DENND1A: variants seen among roughly 807,000 people sequenced by gnomAD.
DENND1A encodes DENN domain containing 1A, also known as DENN domain-containing protein 1A.
A neutral mutation model predicts 113.7 loss-of-function variants in DENND1A; 51 were observed. The observed-to-expected ratio is 0.45, with a 90% CI of 0.36 to 0.57. The LOEUF is 0.57. Ranked by LOEUF, DENND1A falls within the 20% of genes least tolerant of loss-of-function variation. DENND1A has a pLI of 0.00. For missense variants in DENND1A, 1,258 were observed against 1,395.9 expected, an observed-to-expected ratio of 0.90 and a Z score of 1.57; for synonymous variants, 565 against 570.8, an observed-to-expected ratio of 0.99 and a Z score of 0.14.
At chr9:123,768,098 C>T (rs775207078) in intron 4 of DENND1A, among the ~76,000 whole-genome samples, 14 of 152,080 alleles carry the variant, frequency 9.2e-5, no homozygotes, top group Non-Finnish European at 1.9e-4. Context: ...AGAGACAAGA[C>T]GACTCCCATT....
chr9:123,696,408 A>T (rs1246590035), intron 5 of DENND1A, among the ~76,000 whole-genome samples: 1 of 152,204 alleles, frequency 6.6e-6, no homozygotes, highest in Non-Finnish European at 1.5e-5. Context: ...CAAACAAAAC[A>T]CATTATCGGA....
At chr9:123,513,924 T>C (rs1007062659) in intron 13 of DENND1A, among the ~76,000 whole-genome samples, 1 of 152,148 alleles carries the variant, frequency 6.6e-6, no homozygotes, top group Non-Finnish European at 1.5e-5. Flanking sequence ...CTGCCCAACA[T>C]GGATCCCCAA....
At chr9:123,667,676 T>G (rs568520351) in intron 7 of DENND1A, among the ~76,000 whole-genome samples, 9 of 152,324 alleles carry the variant, frequency 5.9e-5, no homozygotes, top group Admixed American at 3.9e-4. Context: ...AAAAAGGCGT[T>G]GGTTTCATAA....
chr9:123,407,156 G>C (rs890915940), intron 20 of DENND1A, among the ~76,000 whole-genome samples: 9 of 148,788 alleles, frequency 6.0e-5, no homozygotes, highest in Non-Finnish European at 1.0e-4. Flanking sequence ...GACAGAGCAG[G>C]GGGGGAGGGG....
chr9:123,843,268 T>C lies in DENND1A; in HGVS notation c.88+35683A>G, dbSNP rs865847957. 31 of 462,428 alleles carry C rather than the reference T, an allele frequency of 6.7e-5. 1 individual carries two copies. The highest frequency in any genetic ancestry group is 5.5e-4 in the African/African-American group (27 of 49,134). 28.6% of individuals were successfully genotyped at this position (462,428 alleles called of 1,614,324 possible). Reference sequence around the variant, plus strand: ...AAAGTTCATTATCACACAAGGTAACTTGATTTTTGAAATGCTGTATCTACC... The same window carrying C: ...AAAGTTCATTATCACACAAGGTAACCTGATTTTTGAAATGCTGTATCTACC... On this transcript the variant is annotated intron_variant, in intron 2 of 23. Transcript: ENST00000394215.
intron 10 of DENND1A, among the ~76,000 whole-genome samples, chr9:123,615,674 C>T (rs878873379): frequency 2.0e-5 from 3 of 152,172 alleles, no homozygotes; most frequent in Non-Finnish European, 4.4e-5. Flanking sequence ...GTGGCTAACA[C>T]CTCTCTTGGT....
At chr9:123,699,098 C>T (rs1401041954) in intron 5 of DENND1A, among the ~76,000 whole-genome samples, 3 of 109,818 alleles carry the variant, frequency 2.7e-5, no homozygotes, top group African/African-American at 6.4e-5. Flanking sequence ...ATGGAGCCAA[C>T]TAAAGAGCTG....
chr9:123,438,430 A>ATTAT (rs1295444260), intron 19 of DENND1A, among the ~76,000 whole-genome samples: 1 of 152,216 alleles, frequency 6.6e-6, no homozygotes, highest in African/African-American at 2.4e-5. Context: ...TCCAGAGAAA[A>ATTAT]TAAATAGAGT....
chr9:123,524,214 T>C (rs2054622399), intron 13 of DENND1A, among the ~76,000 whole-genome samples: 1 of 152,222 alleles, frequency 6.6e-6, no homozygotes, highest in African/African-American at 2.4e-5. Context: ...TCAGAGATAC[T>C]GAGAATAGGG....
At chr9:123,732,566 G>A (rs1452605946) in intron 5 of DENND1A, among the ~76,000 whole-genome samples, 1 of 152,196 alleles carries the variant, frequency 6.6e-6, no homozygotes, top group Non-Finnish European at 1.5e-5. Flanking sequence ...GAACTGGAGT[G>A]GGAGAGGACA....
At chr9:123,616,500 G>A (rs1049136501) in intron 10 of DENND1A, among the ~76,000 whole-genome samples, 4 of 152,154 alleles carry the variant, frequency 2.6e-5, no homozygotes, top group Non-Finnish European at 5.9e-5. Flanking sequence ...TGTTCTAAGC[G>A]GGATTTAAGG....
chr9:123,751,852 AAC>A (rs900614214), intron 5 of DENND1A: 7 of 152,268 alleles, frequency 4.6e-5, no homozygotes, highest in African/African-American at 1.4e-4. Flanking sequence ...ACTCATCAGC[AAC>A]ACTTTCCCTT....
chr9:123,474,566 C>T (rs987592509), intron 13 of DENND1A, among the ~76,000 whole-genome samples: 2 of 152,182 alleles, frequency 1.3e-5, no homozygotes, highest in African/African-American at 4.8e-5. Flanking sequence ...ACATGTATGG[C>T]AAATGTCTCT....
At chr9:123,702,128 C>A (rs2065917417) in intron 5 of DENND1A, among the ~76,000 whole-genome samples, 1 of 151,776 alleles carries the variant, frequency 6.6e-6, no homozygotes, top group Non-Finnish European at 1.5e-5. Context: ...AAACATTTTT[C>A]AGGAGTTGAA....
Position 123,538,855 on chromosome 9 carries a change from T to TGCAC in DENND1A, c.993+18714_993+18715insGTGC, listed in dbSNP as rs1554864505. ...ATATATATATATATATATATATATA[T>TGCAC]ATATGAATTCATACATATTTATGTA... is the stretch of plus-strand genomic sequence containing the variant. On this transcript the variant is annotated intron_variant, in intron 13 of 23. Coordinates refer to ENST00000394215, the MANE Select transcript of DENND1A (RefSeq NM_001352964.2). 4.9e-5 allele frequency among the ~76,000 whole-genome samples: 5 copies of TGCAC among 101,288 alleles called. 1 individual carries two copies. 66.4% of individuals were successfully genotyped at this position (101,288 alleles called of 152,430 possible).
chr9:123,869,978 G>A (rs1846291563), intron 2 of DENND1A, among the ~76,000 whole-genome samples: 5 of 147,076 alleles, frequency 3.4e-5, no homozygotes, highest in Admixed American at 1.4e-4. Flanking sequence ...AAGAGTGCCT[G>A]GGTGATGAGA....
intron 11 of DENND1A, among the ~76,000 whole-genome samples, chr9:123,603,838 G>C (rs2060035764): frequency 6.6e-6 from 1 of 152,230 alleles, no homozygotes; most frequent in South Asian, 2.1e-4. Context: ...CTCTGTCACA[G>C]CTTGGTAGCA....
intron 21 of DENND1A, among the ~76,000 whole-genome samples, chr9:123,399,021 C>A (rs1248860207): frequency 6.6e-6 from 1 of 151,566 alleles, no homozygotes; most frequent in African/African-American, 2.4e-5. Flanking sequence ...GTCTTGAACT[C>A]CTGACCTCAA....
chr9:123,423,935 A>G (rs781664856), intron 19 of DENND1A, among the ~76,000 whole-genome samples: 21 of 152,160 alleles, frequency 1.4e-4, no homozygotes, highest in Admixed American at 3.3e-4. Flanking sequence ...TTAGCATAAT[A>G]CTGTACATCA....
Sources: gnomAD v4.1 joint callset for allele counts (sites outside exome capture counted in the v4.1 genomes callset) on GRCh38, gnomAD v4.1.1 for gene constraint, MANE v1.5 for transcripts, NCBI Gene and HGNC (gene_info 2026-07-23, HGNC 2026-07-21) for gene names.